Variants in RAP1GAP2 observed in about 807,000 individuals in gnomAD.
The protein encoded by RAP1GAP2 is RAP1 GTPase activating protein 2.
In RAP1GAP2, 27 loss-of-function variants were observed where a neutral mutation model predicts 95.0. The observed-to-expected ratio is 0.28, with a 90% CI of 0.21 to 0.39. RAP1GAP2 has a LOEUF of 0.39. RAP1GAP2 is among the 10% of genes least tolerant of loss of function. The pLI is 1.00. For missense variants in RAP1GAP2, 771 were observed against 970.0 expected (o/e 0.79, Z 2.72); for synonymous variants, 373 against 380.9 (o/e 0.98, Z 0.24).
chr17:2,898,920 G>C (rs2041930950), intron 2 of RAP1GAP2, among the ~76,000 whole-genome samples: 1 of 140,010 alleles, frequency 7.1e-6, no homozygotes, highest in Admixed American at 6.9e-5. Flanking sequence ...AATCAGGAGT[G>C]GTGCTGGAGT....
intron 2 of RAP1GAP2, among the ~76,000 whole-genome samples, chr17:2,831,493 A>G (rs1246365709): frequency 6.6e-6 from 1 of 151,960 alleles, no homozygotes; most frequent in Non-Finnish European, 1.5e-5. Flanking sequence ...CCTCTGCCCC[A>G]TTCCTTTTAA....
rs55852382 is a variant in RAP1GAP2, at chr17:3,031,521, G to T, written c.2184+523G>T. On this transcript the variant is annotated intron_variant, in intron 23 of 24. Coordinates refer to ENST00000254695, the MANE Select transcript of RAP1GAP2 (RefSeq NM_015085.5). ...GGTCCCCCAGTCCCTTTCTGAGCTC[G>T]CCAGACTATGGAGAACTCCAGGTCC... Among the ~76,000 whole-genome samples, 207 of 130,740 alleles carry T rather than the reference G, an allele frequency of 1.6e-3. No homozygotes were observed. In the Middle Eastern group the frequency reaches 0.016, roughly 10 times the overall value. 85.8% of individuals were successfully genotyped at this position (130,740 alleles called of 152,430 possible).
chr17:2,829,058 C>G (rs997216979), intron 2 of RAP1GAP2, among the ~76,000 whole-genome samples: 17 of 132,672 alleles, frequency 1.3e-4, no homozygotes, highest in Non-Finnish European at 2.3e-4. Context: ...TCTGGGCTCA[C>G]TGCAACCTCT....
intron 2 of RAP1GAP2, among the ~76,000 whole-genome samples, chr17:2,897,680 A>G (rs1237876232): frequency 6.6e-6 from 1 of 151,732 alleles, no homozygotes; most frequent in African/African-American, 2.4e-5. Flanking sequence ...CTTGCTCCCC[A>G]CTTCCCACAA....
At chr17:2,881,670 AT>A (rs2073296534) in intron 2 of RAP1GAP2, among the ~76,000 whole-genome samples, 1 of 152,112 alleles carries the variant, frequency 6.6e-6, no homozygotes, top group Admixed American at 6.6e-5. Flanking sequence ...TCATATGGTA[AT>A]TGTTTGTGTA....
chr17:2,889,879 ATATATATATATT>A (rs1472578661), intron 2 of RAP1GAP2, among the ~76,000 whole-genome samples: 1 of 76,952 alleles, frequency 1.3e-5, no homozygotes, highest in Non-Finnish European at 2.4e-5. Flanking sequence ...ATATATATAT[ATATATATATATT>A]TTTTTTTTTT....
rs2071807658 is a variant in RAP1GAP2 at position 2,850,728 on chromosome 17, G to A, written c.80+50178G>A. On this transcript the variant is annotated intron_variant, in intron 2 of 24. Coordinates refer to ENST00000254695, the MANE Select transcript of RAP1GAP2 (RefSeq NM_015085.5). ...TCTTGCCACTGCACTCCAGCCTGAG[G>A]GATGGAGCAAGACTCCACCTCAAAA... is the stretch of plus-strand genomic sequence containing the variant. Among the ~76,000 whole-genome samples, 3 of 139,970 alleles carry A rather than the reference G, an allele frequency of 2.1e-5. No individual in the cohort carries two copies. In the South Asian group the frequency reaches 7.1e-4, roughly 33 times the overall value. 91.8% of individuals were successfully genotyped at this position (139,970 alleles called of 152,430 possible).
Position 3,004,775 on chromosome 17 carries a change from G to A in RAP1GAP2, c.1201-594G>A, listed in dbSNP as rs1158338779. On this transcript the variant is annotated intron_variant, in intron 14 of 24. Coordinates refer to ENST00000254695, the MANE Select transcript of RAP1GAP2 (RefSeq NM_015085.5). The surrounding 1 kb of genome is among the most constrained non-coding windows in gnomAD (Gnocchi z 4.1). ...AGTTTCCGGGGGGCCCTACCCTTCCGATTCGGCAGGTTTAGGCCAGAGCCC... is the reference window on the plus strand; with the variant it reads ...AGTTTCCGGGGGGCCCTACCCTTCCAATTCGGCAGGTTTAGGCCAGAGCCC... 2.0e-5 allele frequency among the ~76,000 whole-genome samples: 3 copies of A among 152,252 alleles called. No homozygotes were observed. The highest frequency in any genetic ancestry group is 2.9e-5 in the Non-Finnish European group (2 of 68,048).
At chr17:2,888,013 C>T (rs989000239) in intron 2 of RAP1GAP2, among the ~76,000 whole-genome samples, 24 of 152,068 alleles carry the variant, frequency 1.6e-4, no homozygotes, top group African/African-American at 5.1e-4. Flanking sequence ...ACAAGAAGCC[C>T]GAGGCCAGGA....
At chr17:2,793,083 G>A (rs964478604), upstream of RAP1GAP2, among the ~76,000 whole-genome samples, 12 of 151,904 alleles carry the variant, frequency 7.9e-5, no homozygotes, top group African/African-American at 2.7e-4. Context: ...GCGCATCAAC[G>A]TATACTCCAA....
At chr17:2,760,501 C>A (rs571284915) in intron 1 of RAP1GAP2, among the ~76,000 whole-genome samples, 5 of 150,224 alleles carry the variant, frequency 3.3e-5, no homozygotes, top group Middle Eastern at 3.2e-3. Context: ...CCACCACACC[C>A]GGCTAATTTT....
chr17:2,924,535 C>T (rs545313507), intron 3 of RAP1GAP2, among the ~76,000 whole-genome samples: 3 of 148,348 alleles, frequency 2.0e-5, no homozygotes, highest in Admixed American at 6.8e-5. Flanking sequence ...GAAAGGAAAT[C>T]GGAGGTGGGG....
intron 2 of RAP1GAP2, among the ~76,000 whole-genome samples, chr17:2,807,411 G>T (rs1002213915): frequency 7.2e-5 from 11 of 152,188 alleles, no homozygotes; most frequent in African/African-American, 2.2e-4. Flanking sequence ...TGCTGGGGTT[G>T]TCAAGGACAG....
rs76471443 is a variant in RAP1GAP2 at position 3,030,643 on chromosome 17, C to T, written c.2108-279C>T. Among the ~76,000 whole-genome samples, 1,491 of 152,210 alleles carry T rather than the reference C, an allele frequency of 9.8e-3. 25 individuals carry two copies. Among genetic ancestry groups the T allele is most frequent in the African/African-American group, 0.034 (1,425 of 41,504 alleles). ...ACAGAGAAAAATAAGTAGGAAGTGA[C>T]GAATTTCAAGTATTTATTACCTCTG... On this transcript the variant is annotated intron_variant, in intron 22 of 24. Coordinates refer to ENST00000254695, the MANE Select transcript of RAP1GAP2 (RefSeq NM_015085.5).
At chr17:2,983,219 C>CT (rs532758860) in intron 10 of RAP1GAP2, among the ~76,000 whole-genome samples, 26,138 of 148,772 alleles carry the variant, frequency 0.18, 2,365 homozygotes, top group East Asian at 0.21. Context: ...TGAATCCCTC[C>CT]TTTTTTTTTT....
chr17:2,799,056 T>C (rs983707688), intron 1 of RAP1GAP2, among the ~76,000 whole-genome samples: 1 of 152,206 alleles, frequency 6.6e-6, no homozygotes, highest in Non-Finnish European at 1.5e-5. Flanking sequence ...ACAGGGCTGT[T>C]GTAAGAATTA....
chr17:2,984,098 C>T (rs1366751500), intron 10 of RAP1GAP2, among the ~76,000 whole-genome samples: 1 of 152,236 alleles, frequency 6.6e-6, no homozygotes, highest in Non-Finnish European at 1.5e-5. Flanking sequence ...TGCCTGTAAC[C>T]TCAGCGCTTT....
chr17:2,962,477 C>A, intron 4 of RAP1GAP2, 193 bp from the exon 5 acceptor site: 1 of 572,530 alleles, frequency 1.7e-6, no homozygotes, highest in Non-Finnish European at 3.0e-6. Context: ...GCTGTTAGCC[C>A]AGCGGCGCTG....
At chr17:2,821,471 G>T (rs983752904) in intron 2 of RAP1GAP2, among the ~76,000 whole-genome samples, 1 of 150,116 alleles carries the variant, frequency 6.7e-6, no homozygotes, top group Non-Finnish European at 1.5e-5. Flanking sequence ...CACCTCCTAG[G>T]CTCAAGCGAT....
Sources: allele counts gnomAD v4.1 joint callset (sites outside exome capture counted in the v4.1 genomes callset), GRCh38; gene constraint gnomAD v4.1.1; non-coding constraint Gnocchi (gnomAD v3.1); transcripts MANE v1.5; gene names NCBI Gene and HGNC (gene_info 2026-07-23, HGNC 2026-07-21).